The following GRID1 variants were observed in gnomAD, a reference collection of about 807,000 sequenced individuals.
GRID1 encodes glutamate receptor ionotropic, delta-1.
Under a neutral mutation model 98.0 loss-of-function variants are expected in GRID1, and 28 were observed. That is an observed-to-expected ratio of 0.29 (90% CI 0.21 to 0.39). GRID1 has a LOEUF of 0.39. Ranked by LOEUF, GRID1 falls within the 10% of genes least tolerant of loss-of-function variation. The pLI is 1.00. For missense variants in GRID1, 1,111 were observed against 1,340.5 expected, an observed-to-expected ratio of 0.83 and a Z score of 2.67; for synonymous variants, 553 against 538.5, an observed-to-expected ratio of 1.03 and a Z score of -0.37.
intron 2 of GRID1, among the ~76,000 whole-genome samples, chr10:86,208,628 C>T (rs1033467137): frequency 6.6e-6 from 1 of 152,224 alleles, no homozygotes; most frequent in Non-Finnish European, 1.5e-5. Context: ...ACCCTTGTGG[C>T]ATTATCCCCC....
chr10:85,893,211 T>C (rs939478855), intron 5 of GRID1, among the ~76,000 whole-genome samples: 1 of 152,048 alleles, frequency 6.6e-6, no homozygotes, highest in African/African-American at 2.4e-5. Flanking sequence ...CTCAGCAAAC[T>C]AGGAATAAAA....
chr10:86,250,780 G>A (rs954869467), intron 2 of GRID1, among the ~76,000 whole-genome samples: 20 of 151,146 alleles, frequency 1.3e-4, no homozygotes, highest in Non-Finnish European at 1.8e-4. Flanking sequence ...CCCTCTGCCC[G>A]GCCGCCACCC....
chr10:85,846,622 G>GA (rs961704354), intron 8 of GRID1, among the ~76,000 whole-genome samples: 5 of 151,578 alleles, frequency 3.3e-5, no homozygotes, highest in Admixed American at 1.3e-4. Flanking sequence ...CTAGTTCTTT[G>GA]AAAAAAAATC....
chr10:85,772,111 T>C (rs1305239812), intron 8 of GRID1, among the ~76,000 whole-genome samples: 1 of 152,114 alleles, frequency 6.6e-6, no homozygotes, highest in Non-Finnish European at 1.5e-5. Flanking sequence ...TAAGAAATCA[T>C]AACAAACTGT....
At chr10:86,238,536 G>A (rs1030425822) in intron 2 of GRID1, among the ~76,000 whole-genome samples, 48 of 152,118 alleles carry the variant, frequency 3.2e-4, no homozygotes, top group African/African-American at 1.1e-3. Context: ...TGGGCATGGT[G>A]GCACATGCCT....
intron 2 of GRID1, among the ~76,000 whole-genome samples, chr10:86,251,731 T>C (rs191835747): frequency 4.7e-4 from 71 of 152,290 alleles, no homozygotes; most frequent in African/African-American, 1.5e-3. Context: ...ATCAGCCAGA[T>C]TGAAACAGGC....
At chr10:86,314,401 C>G (rs1385500841) in intron 2 of GRID1, among the ~76,000 whole-genome samples, 1 of 152,246 alleles carries the variant, frequency 6.6e-6, no homozygotes. Context: ...GAGACAAGGG[C>G]TCCTCCCACT....
At chr10:86,042,978 G>T (rs1002110435) in intron 4 of GRID1, among the ~76,000 whole-genome samples, 6 of 151,976 alleles carry the variant, frequency 3.9e-5, no homozygotes, top group Non-Finnish European at 8.8e-5. Flanking sequence ...CCAGCTACTC[G>T]GGAGGCTGAG....
intron 3 of GRID1, among the ~76,000 whole-genome samples, chr10:86,157,568 C>A (rs146588998): frequency 4.2e-4 from 64 of 152,294 alleles, no homozygotes; most frequent in African/African-American, 1.3e-3. Flanking sequence ...CCATGCTCAA[C>A]CTTTTCTCTC....
At chr10:85,852,766 T>C (rs1015570133) in intron 8 of GRID1, among the ~76,000 whole-genome samples, 5 of 152,124 alleles carry the variant, frequency 3.3e-5, no homozygotes, top group South Asian at 2.1e-4. Context: ...TGACCACTCA[T>C]GCCCATCCCC....
In GRID1 at chr10:85,602,205, T is replaced by C; in HGVS notation, c.*68A>G. ...CGAGTGTGTGTGGTTTGTGTTGTTG[T>C]TTTCTTGTATTAAAAAGCTCTGCTG... On this transcript the variant is annotated 3_prime_UTR_variant, in exon 16 of 16. Coordinates refer to ENST00000327946, the MANE Select transcript of GRID1 (RefSeq NM_017551.3). The C allele has an allele frequency of 2.1e-6, 2 of 974,384 alleles. No homozygotes were observed. The highest frequency in any genetic ancestry group is 3.5e-5 in the South Asian group (2 of 57,656). 60.4% of individuals were successfully genotyped at this position (974,384 alleles called of 1,614,324 possible). A position where few individuals can be genotyped will look rare whatever the true frequency, so the allele number is the denominator to read the frequency against.
At chr10:86,223,242 AGCCCT>A (rs1205637930) in intron 2 of GRID1, among the ~76,000 whole-genome samples, 1 of 152,164 alleles carries the variant, frequency 6.6e-6, no homozygotes, top group African/African-American at 2.4e-5. Context: ...GCTCAGCTCC[AGCCCT>A]GCCCTGCGCA....
At chr10:86,012,082 A>G (rs902668014) in intron 4 of GRID1, among the ~76,000 whole-genome samples, 2 of 152,092 alleles carry the variant, frequency 1.3e-5, no homozygotes, top group African/African-American at 2.4e-5. Flanking sequence ...TGCTTGAACC[A>G]CTGCACACCA....
rs958863629 is a variant in GRID1, at chr10:86,358,491, G to A, written c.235+5450C>T. ...AAAATAGGGAGGGCCGGGCACGGTG[G>A]CTCACATCTGTAATCCCAGCACTTT... On this transcript the variant is annotated intron_variant, in intron 2 of 15. Coordinates refer to ENST00000327946, the MANE Select transcript of GRID1 (RefSeq NM_017551.3). Among the ~76,000 whole-genome samples the A allele has an allele frequency of 9.2e-5, 14 of 152,260 alleles. No homozygotes were observed. In the South Asian group the frequency reaches 1.7e-3, roughly 18 times the overall value.
chr10:85,640,472 C>T (rs1843102324), intron 13 of GRID1, among the ~76,000 whole-genome samples: 1 of 152,210 alleles, frequency 6.6e-6, no homozygotes, highest in Non-Finnish European at 1.5e-5. Flanking sequence ...ATCTTTGAAT[C>T]TAGCATCCCA....
intron 12 of GRID1, among the ~76,000 whole-genome samples, chr10:85,680,466 A>G (rs1450985474): frequency 1.3e-5 from 2 of 152,182 alleles, no homozygotes; most frequent in Non-Finnish European, 2.9e-5. Context: ...TCCCTGACCT[A>G]AAAAATAGCA....
chr10:86,324,363 A>G (rs879929252), intron 2 of GRID1, among the ~76,000 whole-genome samples: 17 of 152,210 alleles, frequency 1.1e-4, no homozygotes, highest in Admixed American at 1.0e-3. Flanking sequence ...TCTTTAACAT[A>G]TAAGCAGTCA....
chr10:85,838,028 T>G, intron 8 of GRID1, among the ~76,000 whole-genome samples: 1 of 152,090 alleles, frequency 6.6e-6, no homozygotes, highest in African/African-American at 2.4e-5. Flanking sequence ...TCACAAGTAT[T>G]AATAGCAGAA....
At chr10:86,242,575 G>A (rs951745070) in intron 2 of GRID1, among the ~76,000 whole-genome samples, 7 of 152,200 alleles carry the variant, frequency 4.6e-5, no homozygotes, top group Non-Finnish European at 8.8e-5. Flanking sequence ...AAGGGATATA[G>A]GTAAGGCAGC....
Sources: gnomAD v4.1 joint callset for allele counts (sites outside exome capture counted in the v4.1 genomes callset) on GRCh38, gnomAD v4.1.1 for gene constraint, MANE v1.5 for transcripts, NCBI Gene and HGNC (gene_info 2026-07-23, HGNC 2026-07-21) for gene names.